EXD2: variants seen among roughly 807,000 people sequenced by gnomAD.
EXD2 encodes the protein exonuclease 3'-5' domain-containing protein 2.
A neutral mutation model predicts 62.5 loss-of-function variants in EXD2; 40 were observed. The ratio of observed to expected loss-of-function variants is 0.64; its 90% CI spans 0.50 to 0.83. The LOEUF (loss-of-function observed/expected upper bound fraction) is 0.83. Among genes scored for constraint, EXD2 ranks in the 40% least tolerant of loss-of-function variants. The probability of loss-of-function intolerance (pLI) is 0.00; values close to 1 mark genes in which losing one functional copy is unlikely to be tolerated. For synonymous variants in EXD2, 239 were observed against 291.9 expected (o/e 0.82, Z 1.85); for missense variants, 671 against 761.8 (o/e 0.88, Z 1.40).
In EXD2 at chr14:69,197,516, A is replaced by G. The variant is rs374741819; in HGVS notation, c.-132+5925A>G. Among the ~76,000 whole-genome samples the G allele has an allele frequency of 9.9e-5, 15 of 151,934 alleles. No homozygotes were observed. In the East Asian group the frequency reaches 2.9e-3, roughly 29 times the overall value. ...AACATGTTATGCTGGAGTTTGGGGT[A>G]TGGATGAGTCCTTCACTCAGGTATT... On this transcript the variant is annotated intron_variant, in intron 1 of 9. Transcript: ENST00000685843.
At chr14:69,215,606 A>G (rs569839520) in intron 3 of EXD2, among the ~76,000 whole-genome samples, 16 of 152,286 alleles carry the variant, frequency 1.1e-4, no homozygotes, top group African/African-American at 3.9e-4. Flanking sequence ...CTCCCTATAT[A>G]TGAAAATTGC....
At chr14:69,233,594 C>T (rs1282434951) in intron 5 of EXD2, among the ~76,000 whole-genome samples, 2 of 151,686 alleles carry the variant, frequency 1.3e-5, no homozygotes, top group South Asian at 4.1e-4. Flanking sequence ...CGCGTGCCAC[C>T]GCGCCCAGCT....
At chr14:69,205,357 T>C (rs1308197623) in intron 2 of EXD2, among the ~76,000 whole-genome samples, 1 of 152,150 alleles carries the variant, frequency 6.6e-6, no homozygotes, top group Non-Finnish European at 1.5e-5. Flanking sequence ...CGCCTCAGTA[T>C]GTTTTCTCCC....
chr14:69,199,731 A>G (rs778520244), intron 1 of EXD2, among the ~76,000 whole-genome samples: 20 of 152,092 alleles, frequency 1.3e-4, no homozygotes, highest in Admixed American at 2.6e-4. Flanking sequence ...ATCTTGTCCC[A>G]CTGGAAAGTC....
intron 1 of EXD2, among the ~76,000 whole-genome samples, chr14:69,202,652 T>C (rs2042448357): frequency 6.6e-6 from 1 of 152,162 alleles, no homozygotes; most frequent in Non-Finnish European, 1.5e-5. Context: ...AAAAATGCAG[T>C]TTACAAAACC....
intron 2 of EXD2, among the ~76,000 whole-genome samples, chr14:69,207,835 G>A (rs2042656589): frequency 6.6e-6 from 1 of 151,918 alleles, no homozygotes; most frequent in Non-Finnish European, 1.5e-5. Context: ...TCATCAGCTT[G>A]TGCCGAATGG....
chr14:69,199,803 C>T (rs1453697212), intron 1 of EXD2, among the ~76,000 whole-genome samples: 2 of 152,078 alleles, frequency 1.3e-5, no homozygotes, highest in Non-Finnish European at 2.9e-5. Context: ...GGAATAACTT[C>T]GGAAGGAGCT....
chr14:69,214,637 T>C (rs1439445673), intron 3 of EXD2, among the ~76,000 whole-genome samples: 1 of 152,184 alleles, frequency 6.6e-6, no homozygotes, highest in Non-Finnish European at 1.5e-5. Context: ...TTGCTAGGAC[T>C]CCAGGAGCTC....
At chr14:69,202,369 C>T (rs1307847444) in intron 1 of EXD2, among the ~76,000 whole-genome samples, 2 of 151,590 alleles carry the variant, frequency 1.3e-5, no homozygotes, top group African/African-American at 2.4e-5. Context: ...AAAGTGAGGC[C>T]CTGTCTCAAA....
At chr14:69,209,337 A>G in intron 2 of EXD2, 87 bp from the exon 3 acceptor site, 1 of 648,142 alleles carries the variant, frequency 1.5e-6, no homozygotes, top group Non-Finnish European at 2.4e-6. Flanking sequence ...CACAGAGATT[A>G]TAAATGGGGC....
chr14:69,200,812 G>A (rs2042371736), intron 1 of EXD2, among the ~76,000 whole-genome samples: 2 of 152,082 alleles, frequency 1.3e-5, no homozygotes, highest in African/African-American at 2.4e-5. Context: ...GGTGGCTCAC[G>A]CCTGTAATCT....
At chr14:69,239,186 A>G (rs181594369) in intron 9 of EXD2, 2 of 152,110 alleles carry the variant, frequency 1.3e-5, no homozygotes, top group African/African-American at 4.8e-5. Flanking sequence ...CCATGAGTAC[A>G]TAGTTGAATT....
chr14:69,213,756 CG>C (rs2140250243), intron 3 of EXD2, among the ~76,000 whole-genome samples: 1 of 147,042 alleles, frequency 6.8e-6, no homozygotes, highest in Admixed American at 6.8e-5. Context: ...CTTTGCCTCC[CG>C]GGTTCAAGTG....
intron 6 of EXD2, chr14:69,235,779 G>A: frequency 2.1e-6 from 1 of 465,778 alleles, no homozygotes; most frequent in Non-Finnish European, 4.0e-6. Context: ...GCAGAGCTGT[G>A]TGTAAACCAC....
At chr14:69,230,438 G>A (rs777305347) in intron 4 of EXD2, 34 bp from the exon 5 acceptor site, 21 of 1,521,916 alleles carry the variant, frequency 1.4e-5, no homozygotes, top group East Asian at 2.3e-5. Context: ...TCCTTTGCCC[G>A]TTTTTGATGC....
intron 2 of EXD2, among the ~76,000 whole-genome samples, chr14:69,205,335 G>A (rs2140218099): frequency 6.6e-6 from 1 of 152,260 alleles, no homozygotes; most frequent in South Asian, 2.1e-4. Flanking sequence ...ACAGGCGTGA[G>A]ACACCATGCT....
chr14:69,226,348 G>T (rs187307167), intron 3 of EXD2, among the ~76,000 whole-genome samples: 2 of 152,318 alleles, frequency 1.3e-5, no homozygotes, highest in Admixed American at 1.3e-4. Context: ...GCATGCTTTC[G>T]TGTGAGGATA....
At chr14:69,235,838 A>G in intron 6 of EXD2, 2 of 587,486 alleles carry the variant, frequency 3.4e-6, no homozygotes, top group Non-Finnish European at 6.2e-6. Flanking sequence ...AACTAGAGGC[A>G]TAAACTCATT....
chr14:69,200,134 C>T (rs1407881940), intron 1 of EXD2, among the ~76,000 whole-genome samples: 2 of 152,086 alleles, frequency 1.3e-5, no homozygotes, highest in African/African-American at 4.8e-5. Context: ...TTGTATGTGT[C>T]ATCTGTTGTT....
Sources: gnomAD v4.1 joint callset for allele counts (sites outside exome capture counted in the v4.1 genomes callset) on GRCh38, gnomAD v4.1.1 for gene constraint, MANE v1.5 for transcripts, NCBI Gene and HGNC (gene_info 2026-07-23, HGNC 2026-07-21) for gene names.